Variants in NUBPL observed in about 807,000 individuals in gnomAD.
NUBPL encodes NUBP iron-sulfur cluster assembly factor, mitochondrial.
NUBPL carries 31 observed loss-of-function variants against 45.7 expected under a neutral mutation model. The observed-to-expected ratio is 0.68, with a 90% CI of 0.51 to 0.92. NUBPL has a LOEUF of 0.92. Ranked by LOEUF, NUBPL falls within the 40% of genes least tolerant of loss-of-function variation. The pLI, the probability that NUBPL is intolerant of heterozygous loss-of-function variation, is 0.00. For missense variants in NUBPL, 401 were observed against 398.7 expected (o/e 1.01, Z -0.05); for synonymous variants, 144 against 140.9 (o/e 1.02, Z -0.15).
chr14:31,617,207 T>A (rs950685587), intron 4 of NUBPL, among the ~76,000 whole-genome samples: 1 of 152,200 alleles, frequency 6.6e-6, no homozygotes, highest in African/African-American at 2.4e-5. Context: ...TATACAATCA[T>A]GTCATCTGCA....
intron 6 of NUBPL, among the ~76,000 whole-genome samples, chr14:31,767,351 C>T (rs963706245): frequency 1.2e-4 from 18 of 152,168 alleles, no homozygotes; most frequent in Non-Finnish European, 2.5e-4. Context: ...TACAGGCGCC[C>T]GCCACCATGC....
chr14:31,733,742 T>G (rs1595558640), intron 6 of NUBPL, among the ~76,000 whole-genome samples: 1 of 152,188 alleles, frequency 6.6e-6, no homozygotes, highest in African/African-American at 2.4e-5. Context: ...AGCTTTCACT[T>G]TTCAGTATTT....
intron 4 of NUBPL, among the ~76,000 whole-genome samples, chr14:31,655,939 A>T (rs574302793): frequency 6.6e-6 from 1 of 152,206 alleles, no homozygotes; most frequent in African/African-American, 2.4e-5. Flanking sequence ...TAGCTGTGAA[A>T]GTCCTGGTAT....
At chr14:31,715,006 A>C (rs2037656674) in intron 6 of NUBPL, among the ~76,000 whole-genome samples, 1 of 152,184 alleles carries the variant, frequency 6.6e-6, no homozygotes, top group African/African-American at 2.4e-5. Context: ...TCTTCGAAAG[A>C]ATTTACTAAA....
intron 3 of NUBPL, among the ~76,000 whole-genome samples, chr14:31,584,314 G>C (rs2033939546): frequency 6.6e-6 from 1 of 152,012 alleles, no homozygotes; most frequent in Admixed American, 6.6e-5. Flanking sequence ...TTGTAGAGAT[G>C]GGTTCTTATT....
In NUBPL at chr14:31,755,995, G is replaced by A. The variant is rs1276150148; in HGVS notation, c.514-31785G>A. ...GCTTATTTTTCTCAGGTTTGTCAAAGATCAGATAGTTGTAGATAATGCGGC... is the reference window on the plus strand; with the variant it reads ...GCTTATTTTTCTCAGGTTTGTCAAAAATCAGATAGTTGTAGATAATGCGGC... On this transcript the variant is annotated intron_variant, in intron 6 of 10. Coordinates refer to ENST00000281081, the MANE Select transcript of NUBPL (RefSeq NM_025152.3). Among the ~76,000 whole-genome samples, 5 of 152,268 alleles carry A rather than the reference G, an allele frequency of 3.3e-5. No homozygotes were observed. In the East Asian group the frequency reaches 5.8e-4, roughly 18 times the overall value.
At chr14:31,758,850 G>A (rs1286860997) in intron 6 of NUBPL, among the ~76,000 whole-genome samples, 1 of 152,102 alleles carries the variant, frequency 6.6e-6, no homozygotes, top group Non-Finnish European at 1.5e-5. Flanking sequence ...GCATTCTACT[G>A]TTTAGTATTG....
At chr14:31,684,069 A>C (rs1376581840) in intron 6 of NUBPL, among the ~76,000 whole-genome samples, 1 of 152,190 alleles carries the variant, frequency 6.6e-6, no homozygotes, top group African/African-American at 2.4e-5. Flanking sequence ...AATTACATCC[A>C]TAGCTCAATA....
At chr14:31,758,712 A>G (rs1232317904) in intron 6 of NUBPL, among the ~76,000 whole-genome samples, 1 of 152,180 alleles carries the variant, frequency 6.6e-6, no homozygotes, top group Non-Finnish European at 1.5e-5. Flanking sequence ...AGACCATAAA[A>G]TTATAAGACC....
chr14:31,810,503 A>G (rs548684567), intron 7 of NUBPL, among the ~76,000 whole-genome samples: 3 of 152,148 alleles, frequency 2.0e-5, no homozygotes, highest in South Asian at 4.2e-4. Context: ...TTTTGAGCCT[A>G]TGTATGTCTC....
rs1020862227 is a variant in NUBPL at position 31,621,682 on chromosome 14, C to T, written c.382+22303C>T. Among the ~76,000 whole-genome samples, 23 of 152,308 alleles carry T rather than the reference C, an allele frequency of 1.5e-4. No homozygotes were observed. The East Asian group carries it at 3.5e-3, about 23-fold the overall frequency. On this transcript the variant is annotated intron_variant, in intron 4 of 10. Transcript: ENST00000281081. ...CTCAGTTGGAAATGCAGAAATCACC[C>T]GCCTTCTGCGTCGATCTCGCTGGGA...
At chr14:31,758,474 T>G (rs2038723845) in intron 6 of NUBPL, among the ~76,000 whole-genome samples, 1 of 152,196 alleles carries the variant, frequency 6.6e-6, no homozygotes, top group South Asian at 2.1e-4. Context: ...AATTTTCTCT[T>G]AGCATTTATT....
intron 4 of NUBPL, among the ~76,000 whole-genome samples, chr14:31,624,232 G>C (rs1295118904): frequency 6.6e-6 from 1 of 152,100 alleles, no homozygotes; most frequent in Non-Finnish European, 1.5e-5. Context: ...GTCTCTGAAT[G>C]GCCCTTGATT....
chr14:31,838,245 G>A (rs796223356), intron 8 of NUBPL, among the ~76,000 whole-genome samples: 8 of 128,780 alleles, frequency 6.2e-5, no homozygotes, highest in African/African-American at 1.9e-4. Flanking sequence ...CTTCTTTAAC[G>A]TATTAAGTTA....
intron 6 of NUBPL, among the ~76,000 whole-genome samples, chr14:31,749,232 T>C (rs904451438): frequency 3.9e-5 from 6 of 152,212 alleles, no homozygotes; most frequent in African/African-American, 1.4e-4. Context: ...TCTTTGCAGT[T>C]CGGTTGATGT....
intron 7 of NUBPL, among the ~76,000 whole-genome samples, chr14:31,819,336 CA>C (rs2138941478): frequency 6.6e-6 from 1 of 152,268 alleles, no homozygotes; most frequent in South Asian, 2.1e-4. Flanking sequence ...ACATTAAAAA[CA>C]GTTAATTTTT....
intron 7 of NUBPL, among the ~76,000 whole-genome samples, chr14:31,795,093 C>G (rs1242644216): frequency 2.0e-5 from 3 of 148,118 alleles, no homozygotes. Context: ...TGATCTATAT[C>G]TCTGTTTTGG....
At chr14:31,761,539 A>T (rs1373058057) in intron 6 of NUBPL, among the ~76,000 whole-genome samples, 2 of 152,214 alleles carry the variant, frequency 1.3e-5, no homozygotes, top group Non-Finnish European at 1.5e-5. Flanking sequence ...GCATTTTCCC[A>T]GACTTTTCCT....
At chr14:31,806,952 C>T (rs1187156676) in intron 7 of NUBPL, among the ~76,000 whole-genome samples, 1 of 151,978 alleles carries the variant, frequency 6.6e-6, no homozygotes, top group Non-Finnish European at 1.5e-5. Flanking sequence ...GACATGAACT[C>T]ATCCTTTTTT....
Sources: allele counts gnomAD v4.1 joint callset (sites outside exome capture counted in the v4.1 genomes callset), GRCh38; gene constraint gnomAD v4.1.1; transcripts MANE v1.5; gene names NCBI Gene and HGNC (gene_info 2026-07-23, HGNC 2026-07-21).